Variants in MTHFD1 observed in about 807,000 individuals in gnomAD.
MTHFD1 encodes methylenetetrahydrofolate dehydrogenase, cyclohydrolase and formyltetrahydrofolate synthetase 1.
MTHFD1 carries 44 observed loss-of-function variants against 110.3 expected under a neutral mutation model. That is an observed-to-expected ratio of 0.40 (90% CI 0.31 to 0.51). The LOEUF is 0.51. MTHFD1 is among the 20% of genes least tolerant of loss of function. The probability of loss-of-function intolerance (pLI) is 0.60; values close to 1 mark genes in which losing one functional copy is unlikely to be tolerated. For synonymous variants in MTHFD1, 402 were observed against 428.8 expected (o/e 0.94, Z 0.77); for missense variants, 909 against 1,173.1 (o/e 0.77, Z 3.29).
At chr14:64,432,905 C>A (rs2078171291) in intron 15 of MTHFD1, among the ~76,000 whole-genome samples, 1 of 152,108 alleles carries the variant, frequency 6.6e-6, no homozygotes, top group Non-Finnish European at 1.5e-5. Context: ...TAGGTACACA[C>A]ACCACCACAC....
At chr14:64,414,056 G>C (rs534475378) in intron 4 of MTHFD1, among the ~76,000 whole-genome samples, 1 of 152,250 alleles carries the variant, frequency 6.6e-6, no homozygotes, top group Admixed American at 6.5e-5. Context: ...GTGCAGTGGT[G>C]CAATATTGGC....
chr14:64,390,136 G>A (rs2077792931), intron 1 of MTHFD1, among the ~76,000 whole-genome samples: 1 of 152,058 alleles, frequency 6.6e-6, no homozygotes, highest in Admixed American at 6.6e-5. Context: ...ACCTTTCTGT[G>A]CCAAAGTTTC....
At chr14:64,427,292 C>G (rs1186007971) in intron 11 of MTHFD1, 45 bp from the exon 12 acceptor site, 1 of 1,606,736 alleles carries the variant, frequency 6.2e-7, no homozygotes, top group Non-Finnish European at 8.5e-7. Context: ...GATTCAGATA[C>G]ACTTAATTCT....
Position 64,432,057 on chromosome 14 carries a change from C to T in MTHFD1, c.1494+196C>T, listed in dbSNP as rs539700702. The stretch of plus-strand genomic sequence containing the variant: ...TCATTTATCTATAGATTAGAAGTGG[C>T]TAGTGTGGAATAAATAGAACACTGA... On this transcript the variant is annotated intron_variant, in intron 15 of 27. Transcript: ENST00000652337. 1.8e-3 allele frequency among the ~76,000 whole-genome samples: 275 copies of T among 152,122 alleles called. 2 individuals carry two copies. Among genetic ancestry groups the T allele is most frequent in the African/African-American group, 6.4e-3 (267 of 41,502 alleles).
At chr14:64,434,138 G>C (rs999768395) in intron 15 of MTHFD1, among the ~76,000 whole-genome samples, 2 of 152,196 alleles carry the variant, frequency 1.3e-5, no homozygotes, top group Admixed American at 6.5e-5. Flanking sequence ...GGACAAACAT[G>C]TTAATAATAC....
At chr14:64,455,421 T>C (rs959608528) in intron 26 of MTHFD1, among the ~76,000 whole-genome samples, 1 of 152,332 alleles carries the variant, frequency 6.6e-6, no homozygotes, top group South Asian at 2.1e-4. Flanking sequence ...AAGGTGTCCA[T>C]TGCTTTCTTA....
chr14:64,403,846 C>CA (rs1329466787), intron 2 of MTHFD1, among the ~76,000 whole-genome samples: 1 of 152,184 alleles, frequency 6.6e-6, no homozygotes, highest in African/African-American at 2.4e-5. Flanking sequence ...TGTGCTCGGC[C>CA]AAGTTGAAGT....
In MTHFD1 at chr14:64,399,490, C is replaced by G. The variant is rs527392550; in HGVS notation, c.42-1303C>G. Among the ~76,000 whole-genome samples, 7 of 151,964 alleles carry G rather than the reference C, an allele frequency of 4.6e-5. No individual in the cohort carries two copies. The South Asian group carries it at 1.5e-3, about 32-fold the overall frequency. ...CCTGACCAACATGGTGAAACCCCAT[C>G]TCTACTAAAAATACAAAAATTAGCC... On this transcript the variant is annotated intron_variant, in intron 1 of 27. Coordinates refer to ENST00000652337, the MANE Select transcript of MTHFD1 (RefSeq NM_005956.4).
Position 64,425,960 on chromosome 14 carries a change from T to C in MTHFD1, c.954-59T>C, listed in dbSNP as rs143214970. 9 of 1,605,746 alleles carry C rather than the reference T, an allele frequency of 5.6e-6. No individual in the cohort carries two copies. In the East Asian group the frequency reaches 1.6e-4, roughly 28 times the overall value. ...GGTTGGGTTGGGGGCTTGTTACTAC[T>C]GTGGGATTAATTAAACTCAGTGGAT... On this transcript the variant is annotated intron_variant, in intron 10 of 27. Transcript: ENST00000652337.
At chr14:64,424,684 AG>A (rs2140963006) in intron 8 of MTHFD1, 119 bp from the exon 9 acceptor site, 1 of 1,058,834 alleles carries the variant, frequency 9.4e-7, no homozygotes, top group African/African-American at 1.6e-5. Context: ...TTTTAAGTTA[AG>A]TAGGCACTGG....
chr14:64,430,365 C>T, intron 13 of MTHFD1, 135 bp downstream of exon 13: 1 of 802,280 alleles, frequency 1.2e-6, no homozygotes, highest in Non-Finnish European at 2.1e-6. Flanking sequence ...ATGGCGCAAT[C>T]TCGGCTCACT....
intron 27 of MTHFD1, chr14:64,458,590 C>T: frequency 8.7e-6 from 4 of 461,908 alleles, no homozygotes; most frequent in South Asian, 8.4e-5. Flanking sequence ...GAGGAAACTA[C>T]AGGAGAGGTT....
chr14:64,437,065 A>G (rs1206005173), intron 16 of MTHFD1, among the ~76,000 whole-genome samples: 1 of 152,034 alleles, frequency 6.6e-6, no homozygotes, highest in Non-Finnish European at 1.5e-5. Flanking sequence ...TTTATGGAAA[A>G]TAATTTGGCA....
chr14:64,389,152 C>G (rs2140937689), intron 1 of MTHFD1: 1 of 152,356 alleles, frequency 6.6e-6, no homozygotes, highest in East Asian at 1.9e-4. Context: ...GCTTTACTCC[C>G]AGGAAGTAAC....
chr14:64,431,666 C>T (rs2140968378), intron 14 of MTHFD1, 27 bp downstream of exon 14: 2 of 1,607,714 alleles, frequency 1.2e-6, no homozygotes, highest in Non-Finnish European at 1.7e-6. Flanking sequence ...CCATGAACCC[C>T]ATTGAACAGT....
chr14:64,388,571 GAA>G (rs2077781605), intron 1 of MTHFD1, 103 bp downstream of exon 1: 1 of 1,044,540 alleles, frequency 9.6e-7, no homozygotes, highest in Admixed American at 1.8e-5. Flanking sequence ...ACTTGTAGCG[GAA>G]GAGTTAGGCC....
intron 8 of MTHFD1, among the ~76,000 whole-genome samples, chr14:64,422,375 A>G (rs1282124795): frequency 6.6e-6 from 1 of 152,164 alleles, no homozygotes; most frequent in African/African-American, 2.4e-5. Context: ...AATAGTTTGC[A>G]TGGTCCACTC....
At chr14:64,394,108 C>T (rs1242103066) in intron 1 of MTHFD1, among the ~76,000 whole-genome samples, 1 of 152,072 alleles carries the variant, frequency 6.6e-6, no homozygotes, top group Non-Finnish European at 1.5e-5. Context: ...CCTTAATTGA[C>T]CAAAAAGCAG....
chr14:64,406,983 G>C (rs2077940960), intron 2 of MTHFD1, among the ~76,000 whole-genome samples: 1 of 152,152 alleles, frequency 6.6e-6, no homozygotes, highest in South Asian at 2.1e-4. Context: ...ACCCAGATCT[G>C]TCTCTAAAAC....
Sources: gnomAD v4.1 joint callset for allele counts (sites outside exome capture counted in the v4.1 genomes callset) on GRCh38, gnomAD v4.1.1 for gene constraint, MANE v1.5 for transcripts, NCBI Gene and HGNC (gene_info 2026-07-23, HGNC 2026-07-21) for gene names.